Variants in CADM2 observed in about 807,000 individuals in gnomAD.
The protein encoded by CADM2 is cell adhesion molecule 2.
Under a neutral mutation model 49.8 loss-of-function variants are expected in CADM2, and 12 were observed. That is an observed-to-expected ratio of 0.24 (90% CI 0.15 to 0.39). CADM2 has a LOEUF of 0.39. Ranked by LOEUF, CADM2 falls within the 10% of genes least tolerant of loss-of-function variation. The probability of loss-of-function intolerance (pLI) is 1.00; values close to 1 mark genes in which losing one functional copy is unlikely to be tolerated. For missense variants in CADM2, 378 were observed against 492.3 expected, an observed-to-expected ratio of 0.77 and a Z score of 2.20; for synonymous variants, 214 against 175.4, an observed-to-expected ratio of 1.22 and a Z score of -1.74.
intron 1 of CADM2, among the ~76,000 whole-genome samples, chr3:85,250,618 T>A (rs2042751436): frequency 6.6e-6 from 1 of 151,646 alleles, no homozygotes; most frequent in Admixed American, 6.6e-5. Context: ...AATAAATTAA[T>A]TGATACATAT....
At chr3:85,923,537 C>A (rs188410263) in intron 6 of CADM2, among the ~76,000 whole-genome samples, 134 of 136,540 alleles carry the variant, frequency 9.8e-4, no homozygotes, top group East Asian at 1.7e-3. Context: ...ATCATGAAAG[C>A]AAAAAAAAAA....
intron 1 of CADM2, among the ~76,000 whole-genome samples, chr3:85,646,337 G>GA (rs1441025780): frequency 6.6e-6 from 1 of 151,910 alleles, no homozygotes; most frequent in Non-Finnish European, 1.5e-5. Context: ...GGCACATTCT[G>GA]AAAATCCTCA....
chr3:85,448,006 C>T (rs2037550901), intron 1 of CADM2, among the ~76,000 whole-genome samples: 2 of 151,966 alleles, frequency 1.3e-5, no homozygotes, highest in African/African-American at 2.4e-5. Context: ...CAAAAAGACA[C>T]AAGGTGATGA....
At chr3:85,954,527 A>T (rs886626969) in intron 7 of CADM2, among the ~76,000 whole-genome samples, 6 of 151,062 alleles carry the variant, frequency 4.0e-5, no homozygotes, top group African/African-American at 1.2e-4. Context: ...TTAATTTTTT[A>T]AAAAAGCTAC....
chr3:86,051,360 C>A (rs1396393164), intron 8 of CADM2, among the ~76,000 whole-genome samples: 2 of 152,144 alleles, frequency 1.3e-5, no homozygotes, highest in African/African-American at 4.8e-5. Flanking sequence ...ATATCACTAT[C>A]AGCATTTTGG....
intron 1 of CADM2, among the ~76,000 whole-genome samples, chr3:85,400,306 A>G (rs2035032446): frequency 6.6e-6 from 1 of 152,148 alleles, no homozygotes; most frequent in East Asian, 1.9e-4. Flanking sequence ...AGCCCACTTG[A>G]TCATGGTGGA....
intron 1 of CADM2, among the ~76,000 whole-genome samples, chr3:85,354,981 T>C (rs1415479463): frequency 6.6e-6 from 1 of 152,084 alleles, no homozygotes; most frequent in Admixed American, 6.6e-5. Flanking sequence ...AAAAATGCCA[T>C]TGTCATTAGC....
At position 85,317,800 on chromosome 3, in the gene CADM2, G is replaced by C. The variant is rs1317951870; in HGVS notation, c.61+358132G>C. 2.0e-5 allele frequency among the ~76,000 whole-genome samples: 3 copies of C among 152,162 alleles called. No homozygotes were observed. The East Asian group carries it at 5.8e-4, about 29-fold the overall frequency. On this transcript the variant is annotated intron_variant, in intron 1 of 9. Transcript: ENST00000383699. ...CAAGAATTCCGGGGTACATATTCAT[G>C]CTATAGCAGTAGCCAAATAAAACAT...
At chr3:85,186,498 A>G (rs894083647) in intron 1 of CADM2, among the ~76,000 whole-genome samples, 1 of 152,140 alleles carries the variant, frequency 6.6e-6, no homozygotes, top group Admixed American at 6.6e-5. Flanking sequence ...TTCTTTTGTT[A>G]TACTCATTAT....
intron 1 of CADM2, among the ~76,000 whole-genome samples, chr3:85,448,136 C>A (rs965827193): frequency 2.6e-5 from 4 of 151,942 alleles, no homozygotes; most frequent in Non-Finnish European, 4.4e-5. Flanking sequence ...TCAAAACCAT[C>A]CTGGCTAATA....
chr3:85,556,577 G>A (rs535956776), intron 1 of CADM2, among the ~76,000 whole-genome samples: 9 of 152,230 alleles, frequency 5.9e-5, no homozygotes, highest in Admixed American at 4.6e-4. Context: ...GACAGCAGTC[G>A]TTATTTAAAC....
At position 85,453,700 on chromosome 3, in the gene CADM2, A is replaced by T. The variant is rs947995146; in HGVS notation, c.62-272822A>T. Among the ~76,000 whole-genome samples, 26 of 151,732 alleles carry T rather than the reference A, an allele frequency of 1.7e-4. No individual in the cohort carries two copies. The South Asian group carries it at 4.6e-3, about 27-fold the overall frequency. ...TTACATTTTACATCATCACTTACCT[A>T]AAAAAAACCTGTTTAATGTGCAAGG... On this transcript the variant is annotated intron_variant, in intron 1 of 9. Coordinates refer to ENST00000383699, the MANE Select transcript of CADM2 (RefSeq NM_001167675.2).
At chr3:85,282,993 A>G (rs564575465) in intron 1 of CADM2, among the ~76,000 whole-genome samples, 3 of 152,244 alleles carry the variant, frequency 2.0e-5, no homozygotes, top group Non-Finnish European at 4.4e-5. Context: ...GCATGTATCA[A>G]AATATCACAT....
intron 1 of CADM2, among the ~76,000 whole-genome samples, chr3:85,404,205 T>C (rs542602233): frequency 6.6e-6 from 1 of 152,242 alleles, no homozygotes; most frequent in South Asian, 2.1e-4. Context: ...GCCAAAATTG[T>C]ACAATGCAGA....
chr3:85,580,152 C>T (rs1357141068), intron 1 of CADM2, among the ~76,000 whole-genome samples: 4 of 152,014 alleles, frequency 2.6e-5, no homozygotes, highest in Non-Finnish European at 5.9e-5. Flanking sequence ...CAGGAAACTT[C>T]GAAATGTAAG....
chr3:85,038,770 G>T (rs764475530), intron 1 of CADM2, among the ~76,000 whole-genome samples: 3 of 151,928 alleles, frequency 2.0e-5, no homozygotes, highest in Non-Finnish European at 4.4e-5. Flanking sequence ...TAATCTAGTG[G>T]GAATATTTTC....
intron 2 of CADM2, among the ~76,000 whole-genome samples, chr3:85,745,061 G>A (rs1480373072): frequency 2.0e-5 from 3 of 152,054 alleles, no homozygotes; most frequent in Non-Finnish European, 2.9e-5. Flanking sequence ...TAAAATTATA[G>A]CCAGGAGACT....
chr3:85,527,655 C>A (rs1441391862), intron 1 of CADM2, among the ~76,000 whole-genome samples: 1 of 151,530 alleles, frequency 6.6e-6, no homozygotes, highest in African/African-American at 2.4e-5. Context: ...TTTTTAGTTT[C>A]TGATTCAGCA....
intron 1 of CADM2, among the ~76,000 whole-genome samples, chr3:85,440,051 G>C (rs2037128142): frequency 6.6e-6 from 1 of 152,154 alleles, no homozygotes; most frequent in African/African-American, 2.4e-5. Context: ...GGCACGATTA[G>C]TATGTTGCAA....
Sources: allele counts gnomAD v4.1 joint callset (sites outside exome capture counted in the v4.1 genomes callset), GRCh38; gene constraint gnomAD v4.1.1; transcripts MANE v1.5; gene names NCBI Gene and HGNC (gene_info 2026-07-23, HGNC 2026-07-21).